The following SYT16 variants were observed in gnomAD, a reference collection of about 807,000 sequenced individuals.
SYT16 encodes synaptotagmin 16.
In SYT16, 42 loss-of-function variants were observed where a neutral mutation model predicts 61.4. The observed-to-expected ratio is 0.68, with a 90% CI of 0.53 to 0.89. The LOEUF is 0.89. SYT16 is among the 40% of genes least tolerant of loss of function. SYT16 has a pLI of 0.00. For synonymous variants in SYT16, 314 were observed against 302.3 expected (o/e 1.04, Z -0.40); for missense variants, 804 against 807.3 (o/e 1.00, Z 0.05).
chr14:61,882,012 A>G (rs1449487120), intron 1 of SYT16, among the ~76,000 whole-genome samples: 1 of 152,206 alleles, frequency 6.6e-6, no homozygotes, highest in Non-Finnish European at 1.5e-5. Context: ...TTCTTCTGGC[A>G]TGCCATTATA....
At chr14:61,853,955 A>G (rs1010145739) in intron 1 of SYT16, among the ~76,000 whole-genome samples, 2 of 152,208 alleles carry the variant, frequency 1.3e-5, no homozygotes, top group Admixed American at 1.3e-4. Context: ...ATACATGCAT[A>G]TTGATACTGT....
chr14:61,827,480 AAAAT>A (rs1344590625), intron 1 of SYT16, among the ~76,000 whole-genome samples: 2 of 152,120 alleles, frequency 1.3e-5, no homozygotes, highest in Admixed American at 1.3e-4. Flanking sequence ...TTACCTTAAA[AAAAT>A]ACTTTTCTCT....
intron 1 of SYT16, among the ~76,000 whole-genome samples, chr14:61,833,970 A>ATTTTTTTTTTT (rs544826072): frequency 8.5e-6 from 1 of 117,290 alleles, no homozygotes; most frequent in Non-Finnish European, 1.8e-5. Context: ...TCTGGCTTTG[A>ATTTTTTTTTTT]TTTTTTTTTT....
intron 3 of SYT16, among the ~76,000 whole-genome samples, chr14:62,038,293 C>A (rs1192237082): frequency 6.6e-6 from 1 of 151,226 alleles, no homozygotes; most frequent in African/African-American, 2.4e-5. Flanking sequence ...ATACATGGTA[C>A]TCTTTCCTGA....
At chr14:61,917,155 C>G (rs532012357) in intron 1 of SYT16, among the ~76,000 whole-genome samples, 2 of 152,122 alleles carry the variant, frequency 1.3e-5, no homozygotes, top group South Asian at 4.1e-4. Context: ...TTTTGAAGAA[C>G]CTCCATAATG....
At chr14:61,944,175 T>A (rs187736497) in intron 1 of SYT16, among the ~76,000 whole-genome samples, 63 of 152,192 alleles carry the variant, frequency 4.1e-4, no homozygotes, top group African/African-American at 1.1e-3. Flanking sequence ...CCAACTTACA[T>A]GGGGTGTGAA....
chr14:61,823,591 AAAAAAG>A (rs1215554045), intron 1 of SYT16, among the ~76,000 whole-genome samples: 5 of 151,226 alleles, frequency 3.3e-5, no homozygotes, highest in Admixed American at 1.3e-4. Flanking sequence ...AAAAAAAAAA[AAAAAAG>A]AAGAATTAGC....
chr14:61,866,531 C>T (rs1009010862), intron 1 of SYT16, among the ~76,000 whole-genome samples: 14 of 152,036 alleles, frequency 9.2e-5, no homozygotes, highest in Non-Finnish European at 2.1e-4. Flanking sequence ...ATGATGTTGA[C>T]CATCTTCTCA....
At chr14:61,926,256 A>AGTT (rs2049532954) in intron 1 of SYT16, among the ~76,000 whole-genome samples, 8 of 151,846 alleles carry the variant, frequency 5.3e-5, no homozygotes, top group African/African-American at 7.3e-5. Flanking sequence ...CAAAGAGTCA[A>AGTT]AGAGTATGTG....
chr14:61,905,874 C>G (rs1361597776), intron 1 of SYT16, among the ~76,000 whole-genome samples: 1 of 151,884 alleles, frequency 6.6e-6, no homozygotes, highest in Non-Finnish European at 1.5e-5. Flanking sequence ...TCTCCTGTAT[C>G]AGCCACCCAA....
intron 6 of SYT16, among the ~76,000 whole-genome samples, chr14:62,082,061 T>C (rs1468743737): frequency 1.3e-5 from 2 of 152,104 alleles, no homozygotes; most frequent in African/African-American, 2.4e-5. Flanking sequence ...GCCGCTTGTT[T>C]AGAGGATCAG....
intron 3 of SYT16, among the ~76,000 whole-genome samples, chr14:62,029,962 T>G (rs2054252054): frequency 6.6e-6 from 1 of 152,144 alleles, no homozygotes; most frequent in African/African-American, 2.4e-5. Context: ...TAGTTCTGAT[T>G]TTTTTTCTTT....
intron 1 of SYT16, among the ~76,000 whole-genome samples, chr14:61,900,716 A>G (rs217647): frequency 0.91 from 138,247 of 152,180 alleles, 62,931 homozygotes; most frequent in East Asian, 0.98. Context: ...GCCAGTGAAC[A>G]CCAGCCTTGC....
At chr14:61,819,523 C>A (rs1042632179) in intron 1 of SYT16, among the ~76,000 whole-genome samples, 1 of 151,950 alleles carries the variant, frequency 6.6e-6, no homozygotes, top group Non-Finnish European at 1.5e-5. Context: ...ATTCTTCTGG[C>A]GTCTAATTTT....
chr14:62,066,991 C>A lies in SYT16; in HGVS notation c.524-2612C>A, dbSNP rs563479141. ...CCTGCTGTAAGAGGTCAGGGAAGGA[C>A]TTTCTGGAAGAAGTGATGTCTAAGC... On this transcript the variant is annotated intron_variant, in intron 3 of 7. Coordinates refer to ENST00000683842, the MANE Select transcript of SYT16 (RefSeq NM_001367656.1). 5.6e-4 allele frequency among the ~76,000 whole-genome samples: 86 copies of A among 152,254 alleles called. 1 individual carries two copies. In the South Asian group the frequency reaches 0.017, roughly 30 times the overall value.
intron 1 of SYT16, among the ~76,000 whole-genome samples, chr14:61,964,315 CA>C (rs571828684): frequency 2.2e-4 from 33 of 152,142 alleles, no homozygotes; most frequent in East Asian, 1.4e-3. Context: ...CATGGGAGGT[CA>C]AAATATCAAT....
At chr14:62,099,758 G>T (rs1409506193) in intron 7 of SYT16, among the ~76,000 whole-genome samples, 1 of 152,104 alleles carries the variant, frequency 6.6e-6, no homozygotes, top group African/African-American at 2.4e-5. Context: ...CATGCCTGTG[G>T]TTCCAGCTAC....
intron 1 of SYT16, among the ~76,000 whole-genome samples, chr14:61,841,787 G>C (rs950037075): frequency 6.6e-6 from 1 of 151,940 alleles, no homozygotes; most frequent in East Asian, 1.9e-4. Flanking sequence ...TTTTGCTTTT[G>C]TGTTAGTTCC....
intron 7 of SYT16, 87 bp downstream of exon 7, chr14:62,084,472 T>TA: frequency 1.4e-6 from 2 of 1,422,232 alleles, no homozygotes; most frequent in Non-Finnish European, 1.9e-6. Context: ...CTTTAATTTT[T>TA]ACCATAAAAA....
Sources: gnomAD v4.1 joint callset for allele counts (sites outside exome capture counted in the v4.1 genomes callset) on GRCh38, gnomAD v4.1.1 for gene constraint, MANE v1.5 for transcripts, NCBI Gene and HGNC (gene_info 2026-07-23, HGNC 2026-07-21) for gene names.